Variants in MARCHF1 observed in about 807,000 individuals in gnomAD.
The protein encoded by MARCHF1 is membrane associated ring-CH-type finger 1, also known as E3 ubiquitin-protein ligase MARCHF1.
A neutral mutation model predicts 54.2 loss-of-function variants in MARCHF1; 40 were observed. The observed-to-expected ratio is 0.74, with a 90% CI of 0.57 to 0.96. The LOEUF is 0.96. MARCHF1 is among the 40% of genes least tolerant of loss of function. The pLI is 0.00. For synonymous variants in MARCHF1, 236 were observed against 236.3 expected (o/e 1.00, Z 0.01); for missense variants, 586 against 656.5 (o/e 0.89, Z 1.17).
chr4:163,811,433 G>A (rs928033980), intron 4 of MARCHF1, among the ~76,000 whole-genome samples: 1 of 152,066 alleles, frequency 6.6e-6, no homozygotes, highest in Non-Finnish European at 1.5e-5. Flanking sequence ...TACTTGGCAG[G>A]CTGAGAAGGG....
At chr4:163,780,685 G>C (rs1747439646) in intron 4 of MARCHF1, among the ~76,000 whole-genome samples, 1 of 152,304 alleles carries the variant, frequency 6.6e-6, no homozygotes, top group East Asian at 1.9e-4. Context: ...TTTGAAAAAA[G>C]TGTGCATAGC....
intron 3 of MARCHF1, among the ~76,000 whole-genome samples, chr4:163,948,202 A>AG (rs142919336): frequency 0.019 from 2,823 of 152,342 alleles, 47 homozygotes; most frequent in South Asian, 0.045. Flanking sequence ...AAATGGCATC[A>AG]CATGGTATAC....
chr4:163,845,263 T>A (rs990960847), intron 4 of MARCHF1, among the ~76,000 whole-genome samples: 6 of 152,148 alleles, frequency 3.9e-5, no homozygotes, highest in Non-Finnish European at 8.8e-5. Context: ...ATAGTCCTAT[T>A]CTAACAGGTC....
intron 1 of MARCHF1, among the ~76,000 whole-genome samples, chr4:164,163,637 C>G (rs28459596): frequency 0.012 from 1,809 of 151,736 alleles, 31 homozygotes; most frequent in African/African-American, 0.038. Flanking sequence ...AAAGAGAAAT[C>G]TAGAATTAAA....
At chr4:164,253,311 C>T (rs757815340) in intron 1 of MARCHF1, among the ~76,000 whole-genome samples, 11 of 152,118 alleles carry the variant, frequency 7.2e-5, no homozygotes, top group Non-Finnish European at 1.5e-4. Flanking sequence ...CATTTTCAGA[C>T]ATTTGAGGAC....
At chr4:163,755,720 C>A (rs1019124116) in intron 4 of MARCHF1, among the ~76,000 whole-genome samples, 1 of 151,700 alleles carries the variant, frequency 6.6e-6, no homozygotes, top group African/African-American at 2.4e-5. Flanking sequence ...AGTATGGAAG[C>A]CATGCTGTAT....
In MARCHF1 at chr4:163,693,393, T is replaced by C. The variant is rs1035962406; in HGVS notation, c.162+7420A>G. 1.4e-4 allele frequency among the ~76,000 whole-genome samples: 21 copies of C among 151,464 alleles called. 1 individual carries two copies. The highest frequency in any genetic ancestry group is 2.6e-4 in the Admixed American group (4 of 15,160). ...CAGCATAAACCACATTTTGGAATGA[T>C]GCCTCTTTAACAGATGACTCAGAAA... On this transcript the variant is annotated intron_variant, in intron 5 of 9. Coordinates refer to ENST00000514618, the MANE Select transcript of MARCHF1 (RefSeq NM_001394959.1).
chr4:164,036,131 C>CG (rs1753995013), intron 2 of MARCHF1, among the ~76,000 whole-genome samples: 1 of 133,872 alleles, frequency 7.5e-6, no homozygotes, highest in Non-Finnish European at 1.6e-5. Flanking sequence ...AAACAAAAAA[C>CG]AAAAAAAAAA....
At chr4:163,606,345 C>T (rs1299980952) in intron 7 of MARCHF1, among the ~76,000 whole-genome samples, 1 of 152,030 alleles carries the variant, frequency 6.6e-6, no homozygotes. Context: ...TTGAGCACTG[C>T]CTGAATTGTT....
At chr4:163,702,009 T>C (rs942996209) in intron 4 of MARCHF1, among the ~76,000 whole-genome samples, 1 of 152,192 alleles carries the variant, frequency 6.6e-6, no homozygotes, top group Non-Finnish European at 1.5e-5. Flanking sequence ...TGACAGGATA[T>C]GGCAGATGTG....
At chr4:164,024,036 G>GA (rs1347853244) in intron 2 of MARCHF1, among the ~76,000 whole-genome samples, 1 of 151,968 alleles carries the variant, frequency 6.6e-6, no homozygotes, top group South Asian at 2.1e-4. Context: ...AAAAAATACA[G>GA]AAAAAAGAAT....
chr4:164,023,591 T>C (rs1753710986), intron 2 of MARCHF1, among the ~76,000 whole-genome samples: 1 of 152,194 alleles, frequency 6.6e-6, no homozygotes, highest in Admixed American at 6.5e-5. Flanking sequence ...CAATTGGCTA[T>C]ACTCAGCTTA....
intron 1 of MARCHF1, among the ~76,000 whole-genome samples, chr4:164,166,393 T>C (rs1199179112): frequency 6.6e-6 from 1 of 151,994 alleles, no homozygotes; most frequent in Non-Finnish European, 1.5e-5. Context: ...AAAAAAATCT[T>C]ACATTAAAAT....
At chr4:164,166,409 G>A (rs1297078503) in intron 1 of MARCHF1, among the ~76,000 whole-genome samples, 1 of 151,908 alleles carries the variant, frequency 6.6e-6, no homozygotes, top group Admixed American at 6.6e-5. Flanking sequence ...AAAATGCTGA[G>A]GGTTTTTAGA....
intron 5 of MARCHF1, among the ~76,000 whole-genome samples, chr4:163,678,238 A>G (rs1743982113): frequency 6.6e-6 from 1 of 152,224 alleles, no homozygotes; most frequent in African/African-American, 2.4e-5. Flanking sequence ...TGACAATGTT[A>G]TCAGGCCTGC....
chr4:164,061,385 T>C (rs751306814), intron 2 of MARCHF1, among the ~76,000 whole-genome samples: 1 of 151,608 alleles, frequency 6.6e-6, no homozygotes, highest in Non-Finnish European at 1.5e-5. Context: ...CTTGGAGATA[T>C]TGTAGGTTCA....
chr4:163,987,462 G>C (rs1257700938), intron 3 of MARCHF1, among the ~76,000 whole-genome samples: 1 of 152,124 alleles, frequency 6.6e-6, no homozygotes, highest in Non-Finnish European at 1.5e-5. Flanking sequence ...AAATTTATTA[G>C]TCTTTTCCTT....
chr4:164,137,336 G>A (rs1756423347), intron 1 of MARCHF1, among the ~76,000 whole-genome samples: 1 of 152,072 alleles, frequency 6.6e-6, no homozygotes, highest in African/African-American at 2.4e-5. Flanking sequence ...TATGTCAAAA[G>A]GAGAACTAAT....
chr4:163,751,308 C>T (rs78812257), intron 4 of MARCHF1, among the ~76,000 whole-genome samples: 1,701 of 152,046 alleles, frequency 0.011, 44 homozygotes, highest in African/African-American at 0.038. Flanking sequence ...GCTGGGACTA[C>T]GGGCATGTGT....
Sources: gnomAD v4.1 joint callset for allele counts (sites outside exome capture counted in the v4.1 genomes callset) on GRCh38, gnomAD v4.1.1 for gene constraint, MANE v1.5 for transcripts, NCBI Gene and HGNC (gene_info 2026-07-23, HGNC 2026-07-21) for gene names.